Variants in ZNF804A observed in about 807,000 individuals in gnomAD.
ZNF804A encodes the protein zinc finger protein 804A.
In ZNF804A, 2 loss-of-function variants were observed where a neutral mutation model predicts 16.5. The ratio of observed to expected loss-of-function variants is 0.12; its 90% CI spans 0.05 to 0.38. The LOEUF (loss-of-function observed/expected upper bound fraction) is 0.38. Among genes scored for constraint, ZNF804A ranks in the 10% least tolerant of loss-of-function variants. The pLI is 0.99. For synonymous variants in ZNF804A, 534 were observed against 489.6 expected, an observed-to-expected ratio of 1.09 and a Z score of -1.20; for missense variants, 1,473 against 1,390.7, an observed-to-expected ratio of 1.06 and a Z score of -0.94.
intron 1 of ZNF804A, among the ~76,000 whole-genome samples, chr2:184,791,634 A>G (rs1030301888): frequency 1.3e-5 from 2 of 152,096 alleles, no homozygotes; most frequent in African/African-American, 4.8e-5. Context: ...CACACACTCT[A>G]TCAATGTTCC....
intron 1 of ZNF804A, among the ~76,000 whole-genome samples, chr2:184,685,670 A>G (rs970132464): frequency 6.6e-6 from 1 of 152,088 alleles, no homozygotes; most frequent in Non-Finnish European, 1.5e-5. Flanking sequence ...GAGAAAGTAC[A>G]TGCTGGTCAA....
Position 184,938,826 on chromosome 2 carries a change from C to T in ZNF804A, c.3430C>T (p.Pro1144Ser). Residue 1144 changes from proline to serine, a missense_variant, in exon 4 of 4, where the codon CCT becomes TCT. By Grantham distance (74) the Pro-to-Ser change is moderately conservative. Coordinates refer to ENST00000302277, the MANE Select transcript of ZNF804A (RefSeq NM_194250.2). ...QIPALTRTSLPQLSVGPVGPR... is the reference protein window; with the variant it reads ...QIPALTRTSLSQLSVGPVGPR... ...CCCAGCTCTCACCAGAACCTCATTA[C>T]CTCAGCTCTCAGTAGGACCAGTAGG... 1 of 1,613,988 alleles carries T rather than the reference C, an allele frequency of 6.2e-7. No homozygotes were observed. Among genetic ancestry groups the T allele is most frequent in the Non-Finnish European group, 8.5e-7 (1 of 1,179,982 alleles).
At chr2:184,934,962 G>T (rs748459027) in intron 3 of ZNF804A, among the ~76,000 whole-genome samples, 3 of 152,022 alleles carry the variant, frequency 2.0e-5, no homozygotes, top group African/African-American at 7.2e-5. Context: ...AAATTTTCTT[G>T]TCTACTTATA....
intron 1 of ZNF804A, among the ~76,000 whole-genome samples, chr2:184,850,716 A>G (rs1277653966): frequency 6.6e-6 from 1 of 151,788 alleles, no homozygotes; most frequent in Non-Finnish European, 1.5e-5. Flanking sequence ...GGGAAGAGAG[A>G]GAGAGTGATT....
At chr2:184,637,345 A>T (rs1691717790) in intron 1 of ZNF804A, among the ~76,000 whole-genome samples, 1 of 152,170 alleles carries the variant, frequency 6.6e-6, no homozygotes, top group South Asian at 2.1e-4. Context: ...AAAATGCACA[A>T]TGTTTACATT....
chr2:184,871,038 G>T (rs780823586), intron 2 of ZNF804A, among the ~76,000 whole-genome samples: 5 of 150,734 alleles, frequency 3.3e-5, no homozygotes, highest in Non-Finnish European at 7.4e-5. Flanking sequence ...TTTCAGAAAT[G>T]CCTTAGAATT....
intron 1 of ZNF804A, among the ~76,000 whole-genome samples, chr2:184,864,007 T>TA (rs879475511): frequency 2.6e-5 from 4 of 152,200 alleles, no homozygotes; most frequent in African/African-American, 9.6e-5. Context: ...GAATTATGCA[T>TA]AAAAAATTAA....
chr2:184,901,601 T>C (rs1685182973), intron 2 of ZNF804A, among the ~76,000 whole-genome samples: 1 of 152,266 alleles, frequency 6.6e-6, no homozygotes, highest in South Asian at 2.1e-4. Context: ...TTGCCATCAT[T>C]CTTGGTAATA....
intron 1 of ZNF804A, among the ~76,000 whole-genome samples, chr2:184,745,144 A>C (rs115082372): frequency 6.6e-6 from 1 of 151,794 alleles, no homozygotes; most frequent in Non-Finnish European, 1.5e-5. Flanking sequence ...CTATTTTTAC[A>C]TGTATAGCAC....
chr2:184,775,390 G>T (rs1318372962), intron 1 of ZNF804A, among the ~76,000 whole-genome samples: 1 of 151,650 alleles, frequency 6.6e-6, no homozygotes, highest in Non-Finnish European at 1.5e-5. Context: ...TGTAGTAATA[G>T]TCATTGTGAA....
chr2:184,686,613 T>A (rs1316781985), intron 1 of ZNF804A, among the ~76,000 whole-genome samples: 8 of 152,144 alleles, frequency 5.3e-5, no homozygotes, highest in Non-Finnish European at 1.0e-4. Flanking sequence ...CTTTTGAAAA[T>A]CTCTACACTG....
chr2:184,699,467 T>C (rs184508200), intron 1 of ZNF804A, among the ~76,000 whole-genome samples: 1 of 152,230 alleles, frequency 6.6e-6, no homozygotes, highest in Admixed American at 6.5e-5. Flanking sequence ...GCATAGAAGA[T>C]GACCAAAGCT....
chr2:184,809,037 T>A (rs2105785816), intron 1 of ZNF804A, among the ~76,000 whole-genome samples: 1 of 151,944 alleles, frequency 6.6e-6, no homozygotes, highest in South Asian at 2.1e-4. Context: ...ATGAAAAATT[T>A]TTTGTATCTA....
intron 2 of ZNF804A, among the ~76,000 whole-genome samples, chr2:184,886,991 A>G (rs1187934634): frequency 6.6e-6 from 1 of 152,236 alleles, no homozygotes; most frequent in Non-Finnish European, 1.5e-5. Flanking sequence ...TTCTCCCCAG[A>G]AAACGAGATT....
At chr2:184,638,797 C>T (rs529818995) in intron 1 of ZNF804A, among the ~76,000 whole-genome samples, 1 of 152,206 alleles carries the variant, frequency 6.6e-6, no homozygotes, top group East Asian at 1.9e-4. Context: ...TTATCTTCAT[C>T]ACATAATTGA....
At chr2:184,796,765 G>T (rs1694634975) in intron 1 of ZNF804A, among the ~76,000 whole-genome samples, 2 of 151,948 alleles carry the variant, frequency 1.3e-5, no homozygotes, top group African/African-American at 4.8e-5. Flanking sequence ...GGCATTTAGG[G>T]CTATGAACTT....
At chr2:184,772,436 T>C (rs1694230641) in intron 1 of ZNF804A, among the ~76,000 whole-genome samples, 1 of 152,036 alleles carries the variant, frequency 6.6e-6, no homozygotes. Flanking sequence ...TTGTGAAGAC[T>C]TATCCATGCT....
chr2:184,732,018 T>G (rs372451965), intron 1 of ZNF804A, among the ~76,000 whole-genome samples: 3 of 152,188 alleles, frequency 2.0e-5, no homozygotes, highest in African/African-American at 7.2e-5. Flanking sequence ...TTTATCCTCT[T>G]GACAGTGTCT....
intron 1 of ZNF804A, among the ~76,000 whole-genome samples, chr2:184,842,442 C>T (rs1189207696): frequency 3.3e-5 from 5 of 151,704 alleles, no homozygotes; most frequent in East Asian, 1.9e-4. Context: ...ATTCACAAAG[C>T]TAGAAGTTTT....
Sources: gnomAD v4.1 joint callset for allele counts (sites outside exome capture counted in the v4.1 genomes callset) on GRCh38, gnomAD v4.1.1 for gene constraint, MANE v1.5 for transcripts, NCBI Gene and HGNC (gene_info 2026-07-23, HGNC 2026-07-21) for gene names.